SFXN1: variants seen among roughly 807,000 people sequenced by gnomAD.
SFXN1 encodes the protein sideroflexin-1.
In SFXN1, 32 loss-of-function variants were observed where a neutral mutation model predicts 39.5. The observed-to-expected ratio is 0.81, with a 90% CI of 0.61 to 1.09. The LOEUF is 1.09. Among genes scored for constraint, SFXN1 ranks in the 50% least tolerant of loss-of-function variants. The pLI, the probability that SFXN1 is intolerant of heterozygous loss-of-function variation, is 0.00. For missense variants in SFXN1, 402 were observed against 407.1 expected (o/e 0.99, Z 0.11); for synonymous variants, 136 against 146.5 (o/e 0.93, Z 0.52).
chr5:175,521,026 C>T lies in SFXN1; in HGVS notation c.775-893C>T, dbSNP rs564543788. 1.3e-4 allele frequency among the ~76,000 whole-genome samples: 20 copies of T among 152,120 alleles called. No individual in the cohort carries two copies. The South Asian group carries it at 3.7e-3, about 28-fold the overall frequency. On this transcript the variant is annotated intron_variant, in intron 8 of 10. Coordinates refer to ENST00000321442, the MANE Select transcript of SFXN1 (RefSeq NM_022754.7). ...AGTCTCTTTGGGGACCAGGGTATGC[C>T]TCCCATGCATGTTGTCTTCTAACAG...
At chr5:175,479,643 A>G (rs1051756902) in intron 1 of SFXN1, among the ~76,000 whole-genome samples, 1 of 152,044 alleles carries the variant, frequency 6.6e-6, no homozygotes, top group African/African-American at 2.4e-5. Flanking sequence ...CAGCCTATCT[A>G]TCCCCTGCGC....
At chr5:175,523,190 A>G (rs1452658965) in intron 10 of SFXN1, 1 of 152,242 alleles carries the variant, frequency 6.6e-6, no homozygotes, top group Non-Finnish European at 1.5e-5. Flanking sequence ...CGAGAACTCC[A>G]CCTTGTATCT....
chr5:175,481,536 G>T (rs1227841776), intron 1 of SFXN1, among the ~76,000 whole-genome samples: 5 of 152,140 alleles, frequency 3.3e-5, no homozygotes, highest in Non-Finnish European at 7.4e-5. Context: ...GGATGGTCTC[G>T]ATCTCCTGAC....
chr5:175,508,733 A>G (rs1043063388), intron 2 of SFXN1, among the ~76,000 whole-genome samples: 1 of 151,846 alleles, frequency 6.6e-6, no homozygotes, highest in African/African-American at 2.4e-5. Context: ...TGCCTCCCAG[A>G]TTCAAGCAAT....
At chr5:175,500,405 C>CACAG (rs1435262783) in intron 2 of SFXN1, among the ~76,000 whole-genome samples, 2 of 46,154 alleles carry the variant, frequency 4.3e-5, no homozygotes, top group Non-Finnish European at 6.8e-5. Flanking sequence ...TGTACACCAA[C>CACAG]ACACACACAC....
In SFXN1 at chr5:175,487,151, T is replaced by A. The variant is rs146575882; in HGVS notation, c.-9-4944T>A. The stretch of plus-strand genomic sequence containing the variant: ...CCTCATGTACAGCCACAGCCTGGTG[T>A]CCGTCCAGCATGAAGTCCACACCCA... On this transcript the variant is annotated intron_variant, in intron 1 of 10. Transcript: ENST00000321442. Among the ~76,000 whole-genome samples, 261 of 152,254 alleles carry A rather than the reference T, an allele frequency of 1.7e-3. 1 individual carries two copies. Among genetic ancestry groups the A allele is most frequent in the African/African-American group, 5.6e-3 (233 of 41,564 alleles).
At chr5:175,510,327 T>C (rs1225136698) in intron 4 of SFXN1, 120 bp downstream of exon 4, 4 of 743,462 alleles carry the variant, frequency 5.4e-6, no homozygotes, top group East Asian at 2.9e-5. Context: ...CAGAATATTA[T>C]GTAGCATCCT....
At chr5:175,515,540 G>T (rs1760686964) in intron 7 of SFXN1, among the ~76,000 whole-genome samples, 1 of 152,146 alleles carries the variant, frequency 6.6e-6, no homozygotes, top group South Asian at 2.1e-4. Flanking sequence ...GCAAATGAAC[G>T]AATGCTGTCC....
At chr5:175,482,260 C>A (rs1179003339) in intron 1 of SFXN1, among the ~76,000 whole-genome samples, 1 of 152,178 alleles carries the variant, frequency 6.6e-6, no homozygotes, top group Non-Finnish European at 1.5e-5. Flanking sequence ...ATAACTCTTT[C>A]AAAATACGGT....
chr5:175,512,657 A>G (rs536206128), intron 6 of SFXN1, among the ~76,000 whole-genome samples: 1 of 152,310 alleles, frequency 6.6e-6, no homozygotes, highest in South Asian at 2.1e-4. Flanking sequence ...TTAAAGGAGA[A>G]GAAAGAACAA....
chr5:175,514,053 A>C (rs1190701355), intron 7 of SFXN1, among the ~76,000 whole-genome samples: 1 of 152,098 alleles, frequency 6.6e-6, no homozygotes, highest in Non-Finnish European at 1.5e-5. Context: ...GTAAGAAGCC[A>C]GGCAGGGTTT....
At chr5:175,501,140 C>T (rs1450771409) in intron 2 of SFXN1, among the ~76,000 whole-genome samples, 5 of 143,856 alleles carry the variant, frequency 3.5e-5, no homozygotes, top group Non-Finnish European at 4.4e-5. Flanking sequence ...GCGATCTTGG[C>T]TCACTGCAAC....
At chr5:175,504,577 A>C (rs539092007) in intron 2 of SFXN1, among the ~76,000 whole-genome samples, 3,757 of 151,988 alleles carry the variant, frequency 0.025, 121 homozygotes, top group African/African-American at 0.083. Context: ...CCATCTCAAA[A>C]AAAAAAAAAA....
chr5:175,522,686 A>C (rs993556586), intron 10 of SFXN1: 4 of 390,126 alleles, frequency 1.0e-5, no homozygotes, highest in Non-Finnish European at 1.4e-5. Flanking sequence ...ACTCTGATGC[A>C]AATTTGCTTT....
chr5:175,514,347 C>G (rs2662174), intron 7 of SFXN1, among the ~76,000 whole-genome samples: 29,774 of 151,886 alleles, frequency 0.2, 3,417 homozygotes, highest in South Asian at 0.35. Flanking sequence ...GTCAGAATGA[C>G]CAAAAATAGA....
intron 2 of SFXN1, among the ~76,000 whole-genome samples, chr5:175,495,996 G>A (rs1352998529): frequency 6.7e-6 from 1 of 148,314 alleles, no homozygotes; most frequent in Admixed American, 6.7e-5. Flanking sequence ...CGCCTCCCAG[G>A]TTCAAGCGAT....
At chr5:175,487,870 T>C (rs147389877) in intron 1 of SFXN1, among the ~76,000 whole-genome samples, 1 of 152,250 alleles carries the variant, frequency 6.6e-6, no homozygotes, top group East Asian at 1.9e-4. Flanking sequence ...TCAGGAACCA[T>C]GCTTTTTCTT....
chr5:175,510,092 G>C lies in SFXN1; in HGVS notation c.336-17G>C. On this transcript the variant is annotated splice_polypyrimidine_tract_variant and intron_variant, in intron 3 of 10. Coordinates refer to ENST00000321442, the MANE Select transcript of SFXN1 (RefSeq NM_022754.7). ...GGCCCAGTGATGGTGGGTATGTGAC[G>C]GATGCCTCTGTTTTAGGACTACGCC... 6.2e-7 allele frequency: 1 copy of C among 1,603,418 alleles called. No homozygotes were observed. Among genetic ancestry groups the C allele is most frequent in the African/African-American group, 1.3e-5 (1 of 74,858 alleles).
chr5:175,480,210 G>T (rs1187049540), intron 1 of SFXN1, among the ~76,000 whole-genome samples: 1 of 152,158 alleles, frequency 6.6e-6, no homozygotes, highest in African/African-American at 2.4e-5. Flanking sequence ...GACCATCCTG[G>T]CTAAGCCGGT....
Sources: allele counts gnomAD v4.1 joint callset (sites outside exome capture counted in the v4.1 genomes callset), GRCh38; gene constraint gnomAD v4.1.1; transcripts MANE v1.5; gene names NCBI Gene and HGNC (gene_info 2026-07-23, HGNC 2026-07-21).